Variants in IGSF21 observed in about 807,000 individuals in gnomAD.
IGSF21 encodes immunoglobulin superfamily member 21.
IGSF21 carries 28 observed loss-of-function variants against 46.8 expected under a neutral mutation model. The ratio of observed to expected loss-of-function variants is 0.60; its 90% CI spans 0.44 to 0.82. IGSF21 has a LOEUF of 0.82. IGSF21 is among the 40% of genes least tolerant of loss of function. The probability of loss-of-function intolerance (pLI) is 0.00; values close to 1 mark genes in which losing one functional copy is unlikely to be tolerated. For synonymous variants in IGSF21, 284 were observed against 273.6 expected, an observed-to-expected ratio of 1.04 and a Z score of -0.38; for missense variants, 624 against 665.5, an observed-to-expected ratio of 0.94 and a Z score of 0.69.
intron 4 of IGSF21, among the ~76,000 whole-genome samples, chr1:18,338,912 T>C (rs1176156069): frequency 6.6e-6 from 1 of 151,912 alleles, no homozygotes; most frequent in Non-Finnish European, 1.5e-5. Flanking sequence ...GGAGGGAGCG[T>C]GTTAAGGGTG....
chr1:18,250,098 G>GCTCCCTCC (rs781326742), intron 2 of IGSF21, among the ~76,000 whole-genome samples: 7,717 of 59,502 alleles, frequency 0.13, 790 homozygotes, highest in African/African-American at 0.18. Context: ...TCCCTCCCTC[G>GCTCCCTCC]CTCCCTCCCT....
In IGSF21 at chr1:18,308,593, A is replaced by G. The variant is rs529497583; in HGVS notation, c.305+16606A>G. On this transcript the variant is annotated intron_variant, in intron 3 of 9. Coordinates refer to ENST00000251296, the MANE Select transcript of IGSF21 (RefSeq NM_032880.5). ...TATAGATTAAAAAACTGAGGCCCAG[A>G]CAGACATGTAATGAGGCAGTTATAG... 6.6e-5 allele frequency among the ~76,000 whole-genome samples: 10 copies of G among 152,318 alleles called. No homozygotes were observed. In the South Asian group the frequency reaches 1.4e-3, roughly 22 times the overall value.
At chr1:18,113,068 G>T (rs1393734223) in intron 1 of IGSF21, 5 of 152,198 alleles carry the variant, frequency 3.3e-5, no homozygotes, top group Middle Eastern at 3.2e-3. Flanking sequence ...GGAACTGGGA[G>T]TTTCAAAACC....
rs554534454 is a variant in IGSF21, at chr1:18,205,501, T to A, written c.71-22397T>A. Among the ~76,000 whole-genome samples the A allele has an allele frequency of 2.0e-5, 3 of 152,124 alleles. No individual in the cohort carries two copies. The East Asian group carries it at 5.8e-4, about 30-fold the overall frequency. On this transcript the variant is annotated intron_variant, in intron 1 of 9. Transcript: ENST00000251296. The stretch of plus-strand genomic sequence containing the variant: ...CTTATCTTGCTGACAAGGAGAAGGA[T>A]GGAAAAGGGACTGTGATCGAGTGAG...
At chr1:18,166,546 T>G (rs2086680547) in intron 1 of IGSF21, among the ~76,000 whole-genome samples, 1 of 152,220 alleles carries the variant, frequency 6.6e-6, no homozygotes, top group Non-Finnish European at 1.5e-5. Context: ...CGAAATGAGA[T>G]GATATCTCTA....
At chr1:18,271,937 C>T (rs955532146) in intron 2 of IGSF21, among the ~76,000 whole-genome samples, 1 of 152,052 alleles carries the variant, frequency 6.6e-6, no homozygotes, top group Non-Finnish European at 1.5e-5. Context: ...GGCAGCATGG[C>T]AATGGTCATA....
At chr1:18,299,348 C>T (rs1401530473) in intron 3 of IGSF21, among the ~76,000 whole-genome samples, 2 of 152,140 alleles carry the variant, frequency 1.3e-5, no homozygotes, top group Non-Finnish European at 2.9e-5. Context: ...GGTTTGTTTC[C>T]CTTTGAAAAG....
At chr1:18,326,686 T>G (rs1490611152) in intron 3 of IGSF21, among the ~76,000 whole-genome samples, 1 of 152,216 alleles carries the variant, frequency 6.6e-6, no homozygotes, top group Admixed American at 6.5e-5. Flanking sequence ...GTTGCTGAAT[T>G]TTGGCAAGGA....
chr1:18,124,767 A>G (rs535851117), intron 1 of IGSF21, among the ~76,000 whole-genome samples: 31 of 152,328 alleles, frequency 2.0e-4, no homozygotes, highest in Admixed American at 1.8e-3. Context: ...CTTCCCGCAG[A>G]CAACACACAA....
intron 1 of IGSF21, among the ~76,000 whole-genome samples, chr1:18,205,554 A>G (rs1305092628): frequency 1.3e-5 from 2 of 152,148 alleles, no homozygotes; most frequent in African/African-American, 4.8e-5. Context: ...CAAACAACCC[A>G]TTGTGAAGGA....
rs552624509 is a variant in IGSF21 at position 18,272,528 on chromosome 1, T to C, written c.184-19338T>C. The stretch of plus-strand genomic sequence containing the variant: ...TGGCCTTAGATGAGTTCTGAGGAAA[T>C]GGTCGCACTTCCACTGTTGTCATCG... On this transcript the variant is annotated intron_variant, in intron 2 of 9. Coordinates refer to ENST00000251296, the MANE Select transcript of IGSF21 (RefSeq NM_032880.5). Among the ~76,000 whole-genome samples the C allele has an allele frequency of 2.9e-4, 44 of 152,324 alleles. No homozygotes were observed. In the South Asian group the frequency reaches 8.7e-3, roughly 30 times the overall value.
intron 2 of IGSF21, among the ~76,000 whole-genome samples, chr1:18,252,044 C>CTTTTTTTTTTTTTTTTTTTTTTT (rs1557608067): frequency 1.0e-5 from 1 of 98,982 alleles, no homozygotes. Flanking sequence ...CTGACCAAGG[C>CTTTTTTTTTTTTTTTTTTTTTTT]GTTTTTTTTT....
intron 4 of IGSF21, among the ~76,000 whole-genome samples, chr1:18,354,206 G>A (rs2085990416): frequency 6.6e-6 from 1 of 152,222 alleles, no homozygotes; most frequent in African/African-American, 2.4e-5. Flanking sequence ...TAAAGGATGA[G>A]GTGGAGTTAA....
intron 1 of IGSF21, among the ~76,000 whole-genome samples, chr1:18,169,051 G>GTGGCTATGCTCACC (rs2086709073): frequency 6.6e-6 from 1 of 152,214 alleles, no homozygotes; most frequent in South Asian, 2.1e-4. Flanking sequence ...GCTCGCCTGC[G>GTGGCTATGCTCACC]TGGCTATGCT....
chr1:18,203,039 G>C (rs1322588480), intron 1 of IGSF21, among the ~76,000 whole-genome samples: 1 of 152,168 alleles, frequency 6.6e-6, no homozygotes, highest in Non-Finnish European at 1.5e-5. Flanking sequence ...CATCAGGCTA[G>C]CTGGGTAACA....
intron 2 of IGSF21, among the ~76,000 whole-genome samples, chr1:18,281,974 G>A (rs754824789): frequency 6.6e-6 from 1 of 152,152 alleles, no homozygotes; most frequent in Non-Finnish European, 1.5e-5. Flanking sequence ...CCAGCTCTGC[G>A]GACTCCTCCC....
At chr1:18,127,827 T>C (rs1173720066) in intron 1 of IGSF21, among the ~76,000 whole-genome samples, 1 of 152,160 alleles carries the variant, frequency 6.6e-6, no homozygotes, top group African/African-American at 2.4e-5. Flanking sequence ...GAGGATCACT[T>C]GAACCCGGGA....
chr1:18,138,048 C>T (rs962313215), intron 1 of IGSF21, among the ~76,000 whole-genome samples: 16 of 152,166 alleles, frequency 1.1e-4, no homozygotes, highest in South Asian at 2.1e-4. Context: ...TTTGGCCCAC[C>T]GTGTCCCCAG....
chr1:18,245,027 G>A (rs2084771488), intron 2 of IGSF21, among the ~76,000 whole-genome samples: 1 of 152,100 alleles, frequency 6.6e-6, no homozygotes, highest in African/African-American at 2.4e-5. Flanking sequence ...ATAAATATTG[G>A]TAGGGCTATA....
Sources: gnomAD v4.1 joint callset for allele counts (sites outside exome capture counted in the v4.1 genomes callset) on GRCh38, gnomAD v4.1.1 for gene constraint, MANE v1.5 for transcripts, NCBI Gene and HGNC (gene_info 2026-07-23, HGNC 2026-07-21) for gene names.